Variants in FOXN3 observed in about 807,000 individuals in gnomAD.
The protein encoded by FOXN3 is forkhead box protein N3.
A neutral mutation model predicts 38.4 loss-of-function variants in FOXN3; 7 were observed. That is an observed-to-expected ratio of 0.18 (90% confidence interval 0.10 to 0.34). The LOEUF is 0.34. FOXN3 is among the 10% of genes least tolerant of loss of function. The pLI is 1.00. For synonymous variants in FOXN3, 230 were observed against 242.2 expected, an observed-to-expected ratio of 0.95 and a Z score of 0.47; for missense variants, 456 against 613.4, an observed-to-expected ratio of 0.74 and a Z score of 2.71.
chr14:89,333,760 A>T (rs1484132852), intron 3 of FOXN3, among the ~76,000 whole-genome samples: 9 of 145,124 alleles, frequency 6.2e-5, no homozygotes, highest in East Asian at 4.0e-4. Flanking sequence ...AAAAAAAAAA[A>T]AAAAAAAAAA....
chr14:89,312,284 CAAA>C (rs59949946), intron 3 of FOXN3, among the ~76,000 whole-genome samples: 7 of 60,598 alleles, frequency 1.2e-4, no homozygotes, highest in Non-Finnish European at 1.1e-4. Context: ...GACTCGGTCT[CAAA>C]AAAAAAAAAA....
At chr14:89,249,511 A>G (rs1885391386) in intron 4 of FOXN3, among the ~76,000 whole-genome samples, 1 of 152,210 alleles carries the variant, frequency 6.6e-6, no homozygotes, top group African/African-American at 2.4e-5. Flanking sequence ...ATCTCTCCAA[A>G]CAGATGTTGC....
chr14:89,235,974 C>G (rs1310939197), intron 4 of FOXN3, among the ~76,000 whole-genome samples: 2 of 152,152 alleles, frequency 1.3e-5, no homozygotes, highest in Admixed American at 1.3e-4. Context: ...GAAACTGAAG[C>G]CCAGGCAGGT....
chr14:89,255,493 A>T (rs982104038), intron 4 of FOXN3, among the ~76,000 whole-genome samples: 1 of 152,158 alleles, frequency 6.6e-6, no homozygotes, highest in African/African-American at 2.4e-5. Context: ...ATTAAGAACA[A>T]AAAGTCCTAT....
Position 89,161,594 on chromosome 14 carries a change from T to TGTGTGTGTGTGTGTGTGTGTGC in FOXN3, c.*819_*820insGCACACACACACACACACACAC, listed in dbSNP as rs1298084016. ...GTGTGTGTGTGTGTGTGTGTGTGTG[T>TGTGTGTGTGTGTGTGTGTGTGC]GTGCGTGCGTGCACAGGGCCAATCT... On this transcript the variant is annotated 3_prime_UTR_variant, in exon 6 of 6. Transcript: ENST00000557258. The TGTGTGTGTGTGTGTGTGTGTGC allele has an allele frequency of 7.2e-6, 1 of 138,348 alleles. No individual in the cohort carries two copies. The highest frequency in any genetic ancestry group is 2.6e-5 in the African/African-American group (1 of 37,812). 8.6% of individuals were successfully genotyped at this position (138,348 alleles called of 1,614,324 possible).
At chr14:89,537,907 AG>A (rs1267562891) in intron 1 of FOXN3, among the ~76,000 whole-genome samples, 1 of 152,248 alleles carries the variant, frequency 6.6e-6, no homozygotes, top group African/African-American at 2.4e-5. Context: ...CTTCTTCAAA[AG>A]TACCTCAATG....
At chr14:89,474,842 G>T (rs148252382) in intron 1 of FOXN3, among the ~76,000 whole-genome samples, 1 of 151,920 alleles carries the variant, frequency 6.6e-6, no homozygotes, top group African/African-American at 2.4e-5. Flanking sequence ...TTGAGATGCC[G>T]TCTTGCTCTA....
At chr14:89,476,727 T>C (rs1256245975) in intron 1 of FOXN3, among the ~76,000 whole-genome samples, 1 of 152,150 alleles carries the variant, frequency 6.6e-6, no homozygotes, top group East Asian at 1.9e-4. Flanking sequence ...TAAACCTGAG[T>C]GACCTAGAGT....
chr14:89,513,174 AAG>A (rs1379990786), intron 1 of FOXN3, among the ~76,000 whole-genome samples: 2 of 151,230 alleles, frequency 1.3e-5, no homozygotes, highest in Admixed American at 1.3e-4. Context: ...AAAAAAGAAA[AAG>A]AAAGAAAGAA....
intron 3 of FOXN3, among the ~76,000 whole-genome samples, chr14:89,304,351 C>G (rs1887311676): frequency 1.3e-5 from 2 of 151,980 alleles, no homozygotes; most frequent in South Asian, 2.1e-4. Context: ...TCCAAAATGT[C>G]CAGTTTGAAG....
intron 1 of FOXN3, among the ~76,000 whole-genome samples, chr14:89,604,499 A>C (rs529803211): frequency 1.4e-3 from 209 of 152,362 alleles, no homozygotes; most frequent in African/African-American, 4.9e-3. Context: ...AGACTGCAGC[A>C]CATAGAAATA....
At chr14:89,335,075 TATCACACACACACA>T (rs71412350) in intron 3 of FOXN3, among the ~76,000 whole-genome samples, 92 of 136,262 alleles carry the variant, frequency 6.8e-4, no homozygotes, top group Admixed American at 1.1e-3. Flanking sequence ...ACTATTTTCA[TATCACACACACACA>T]CACACACACA....
intron 1 of FOXN3, among the ~76,000 whole-genome samples, chr14:89,587,534 C>G (rs1237607589): frequency 1.3e-5 from 2 of 152,006 alleles, no homozygotes; most frequent in Non-Finnish European, 2.9e-5. Context: ...AAATTTAAAC[C>G]ACTGTGTGGG....
Position 89,412,658 on chromosome 14 carries a change from A to G in FOXN3, c.-14-168T>C, listed in dbSNP as rs1891573648. Reference sequence around the variant, plus strand: ...CTAAGCAACACAATCCCACAATTCCACCACAGAGAGATAGGCTGATGAGAA... The same window carrying G: ...CTAAGCAACACAATCCCACAATTCCGCCACAGAGAGATAGGCTGATGAGAA... On this transcript the variant is annotated intron_variant, in intron 1 of 5. Transcript: ENST00000557258. This position sits in a 1 kb window ranked among gnomAD's most constrained non-coding sequence, Gnocchi z 4.7. Among the ~76,000 whole-genome samples, 1 of 152,056 alleles carries G rather than the reference A, an allele frequency of 6.6e-6. No homozygotes were observed. Among genetic ancestry groups the G allele is most frequent in the Admixed American group, 6.5e-5 (1 of 15,272 alleles).
intron 4 of FOXN3, among the ~76,000 whole-genome samples, chr14:89,232,951 C>T (rs1884862267): frequency 6.6e-6 from 1 of 152,260 alleles, no homozygotes; most frequent in East Asian, 1.9e-4. Flanking sequence ...TGGAGGAACC[C>T]AAGAAACAGT....
chr14:89,247,735 T>C (rs183384139), intron 4 of FOXN3, among the ~76,000 whole-genome samples: 1 of 152,316 alleles, frequency 6.6e-6, no homozygotes, highest in Admixed American at 6.5e-5. Flanking sequence ...GAGTCATCTT[T>C]ATAAAAAGTA....
intron 4 of FOXN3, among the ~76,000 whole-genome samples, chr14:89,214,349 C>T (rs1260704763): frequency 2.6e-5 from 4 of 152,214 alleles, no homozygotes; most frequent in Admixed American, 2.6e-4. Flanking sequence ...CTGCACCGTG[C>T]GGATGACTGC....
intron 1 of FOXN3, among the ~76,000 whole-genome samples, chr14:89,582,678 C>A (rs1895768391): frequency 6.6e-6 from 1 of 152,002 alleles, no homozygotes; most frequent in South Asian, 2.1e-4. Context: ...TTAAAGAATG[C>A]AATTTGATAG....
chr14:89,253,892 C>T (rs1307824118), intron 4 of FOXN3, among the ~76,000 whole-genome samples: 1 of 152,188 alleles, frequency 6.6e-6, no homozygotes, highest in African/African-American at 2.4e-5. Context: ...CCTTTGTTTC[C>T]TCATCGGCAC....
Sources: allele counts gnomAD v4.1 joint callset (sites outside exome capture counted in the v4.1 genomes callset), GRCh38; gene constraint gnomAD v4.1.1; non-coding constraint Gnocchi (gnomAD v3.1); transcripts MANE v1.5; gene names NCBI Gene and HGNC (gene_info 2026-07-23, HGNC 2026-07-21).